The following RSRC2 variants were observed in gnomAD, a reference collection of about 807,000 sequenced individuals.
The protein encoded by RSRC2 is arginine and serine rich coiled-coil 2.
In RSRC2, 5 loss-of-function variants were observed where a neutral mutation model predicts 61.3. The observed-to-expected ratio is 0.08, with a 90% CI of 0.04 to 0.17. RSRC2 has a LOEUF of 0.17. Among genes scored for constraint, RSRC2 ranks in the 10% least tolerant of loss-of-function variants. RSRC2 has a pLI of 1.00. For synonymous variants in RSRC2, 202 were observed against 166.5 expected (o/e 1.21, Z -1.64); for missense variants, 381 against 518.8 (o/e 0.73, Z 2.58).
At chr12:122,508,731 C>T (rs1242878050) in intron 7 of RSRC2, among the ~76,000 whole-genome samples, 1 of 151,832 alleles carries the variant, frequency 6.6e-6, no homozygotes, top group African/African-American at 2.4e-5. Context: ...CTGAGGTGGG[C>T]GGATCACCTG....
At chr12:122,513,350 A>G (rs1170838851) in intron 6 of RSRC2, among the ~76,000 whole-genome samples, 3 of 151,756 alleles carry the variant, frequency 2.0e-5, no homozygotes, top group African/African-American at 7.3e-5. Context: ...AAACCAATAT[A>G]AAAGGTCTAT....
At chr12:122,520,613 T>A (rs747440563) in intron 3 of RSRC2, 1 of 1,322,352 alleles carries the variant, frequency 7.6e-7, no homozygotes, top group African/African-American at 1.5e-5. Flanking sequence ...AATGTTATCA[T>A]GTGAGCTAAA....
At position 122,505,217 on chromosome 12, in the gene RSRC2, C is replaced by T. The variant is rs1027572122; in HGVS notation, c.*310G>A. On this transcript the variant is annotated 3_prime_UTR_variant, in exon 10 of 10. Transcript: ENST00000331738. ...TTAAGTACAAAAGTACACAAGACAG[C>T]GGACACGAAAAAATCCATGTATGAG... is the stretch of plus-strand genomic sequence containing the variant. 5.8e-5 allele frequency: 14 copies of T among 241,572 alleles called. No homozygotes were observed. The highest frequency in any genetic ancestry group is 1.1e-4 in the South Asian group (1 of 8,782). 15.0% of individuals were successfully genotyped at this position (241,572 alleles called of 1,614,324 possible).
intron 1 of RSRC2, 144 bp from the exon 2 acceptor site, chr12:122,522,443 T>C (rs1959354888): frequency 2.6e-6 from 2 of 756,136 alleles, no homozygotes; most frequent in East Asian, 2.8e-5. Flanking sequence ...TAAATGTGCT[T>C]TGTACACTAA....
intron 3 of RSRC2, chr12:122,520,683 CG>C (rs2137535373): frequency 1.3e-6 from 1 of 754,054 alleles, no homozygotes; most frequent in South Asian, 1.4e-5. Context: ...GCTTCCATTA[CG>C]GGAAGAGGTG....
At chr12:122,519,805 C>T (rs983468973) in intron 3 of RSRC2, 4 of 152,354 alleles carry the variant, frequency 2.6e-5, no homozygotes, top group Non-Finnish European at 4.4e-5. Context: ...AGAGACTCAG[C>T]TCAAATTAAC....
chr12:122,520,842 T>G, intron 3 of RSRC2: 2 of 254,488 alleles, frequency 7.9e-6, no homozygotes, highest in South Asian at 7.8e-5. Flanking sequence ...GCAATACAGC[T>G]GCTGCCTTTC....
intron 6 of RSRC2, among the ~76,000 whole-genome samples, chr12:122,511,580 C>A (rs556364255): frequency 3.9e-5 from 6 of 152,032 alleles, no homozygotes; most frequent in Non-Finnish European, 7.4e-5. Context: ...AAAAGCCAGC[C>A]GATCAAGACA....
At chr12:122,521,264 T>C in intron 3 of RSRC2, 121 bp downstream of exon 3, 1 of 655,822 alleles carries the variant, frequency 1.5e-6, no homozygotes, top group African/African-American at 1.8e-5. Context: ...TATAACCCAA[T>C]AAACCTTTTA....
In RSRC2 at chr12:122,505,304, T is replaced by A. The variant is rs1252443051; in HGVS notation, c.*223A>T. ...AGTAGAATTCATGAACTAAAAAATATTATCCTTCTATAGTCCTGTCAAGTT... is the reference window on the plus strand; with the variant it reads ...AGTAGAATTCATGAACTAAAAAATAATATCCTTCTATAGTCCTGTCAAGTT... On this transcript the variant is annotated 3_prime_UTR_variant, in exon 10 of 10. Transcript: ENST00000331738. The A allele has an allele frequency of 5.1e-6, 2 of 393,982 alleles. No individual in the cohort carries two copies. The highest frequency in any genetic ancestry group is 9.0e-6 in the Non-Finnish European group (2 of 223,138). The allele number at this position is 393,982 out of a possible 1,614,324, so 24.4% of individuals were successfully genotyped here.
At position 122,518,733 on chromosome 12, in the gene RSRC2, A is replaced by G. The variant is rs182966375; in HGVS notation, c.398+106T>C. 2,072 of 898,096 alleles carry G rather than the reference A, an allele frequency of 2.3e-3. 5 individuals are homozygous for G. The highest frequency in any genetic ancestry group is 3.2e-3 in the Non-Finnish European group (1,827 of 571,284). 55.6% of individuals were successfully genotyped at this position (898,096 alleles called of 1,614,324 possible). A position where few individuals can be genotyped will look rare whatever the true frequency, so the allele number is the denominator to read the frequency against. ...ACAAAACCACAAACCCAAACAAACGAACAAGAAAAACTCCCTAATTATGAT... is the reference window on the plus strand; with the variant it reads ...ACAAAACCACAAACCCAAACAAACGGACAAGAAAAACTCCCTAATTATGAT... On this transcript the variant is annotated intron_variant, in intron 4 of 9. Coordinates refer to ENST00000331738, the MANE Select transcript of RSRC2 (RefSeq NM_023012.6).
chr12:122,506,855 A>G lies in RSRC2; in HGVS notation c.1104T>C (p.Phe368=). 1 of 1,607,742 alleles carries G rather than the reference A, an allele frequency of 6.2e-7. No homozygotes were observed. The change falls in exon 9 of 10, where the codon TTT becomes TTC. Residue 368 remains phenylalanine (F), a synonymous_variant. Coordinates refer to ENST00000331738, the MANE Select transcript of RSRC2 (RefSeq NM_023012.6). ...NFGNKDQNVK[F]RKLMGIKSED... ...TCACCTTAATACCCATCAATTTCCTAAATTTGACATTTTGGTCCTTGTTTC... is the reference window on the plus strand; with the variant it reads ...TCACCTTAATACCCATCAATTTCCTGAATTTGACATTTTGGTCCTTGTTTC...
chr12:122,525,276 TG>T (rs1354515650), intron 1 of RSRC2, among the ~76,000 whole-genome samples: 1 of 152,052 alleles, frequency 6.6e-6, no homozygotes, highest in Non-Finnish European at 1.5e-5. Flanking sequence ...CTCGGGAGTC[TG>T]AGGCAGGAGA....
intron 1 of RSRC2, chr12:122,526,254 C>T (rs1960362919): frequency 6.6e-6 from 1 of 152,532 alleles, no homozygotes. Context: ...GTTCCACAAC[C>T]TTTTAAGTTG....
intron 8 of RSRC2, among the ~76,000 whole-genome samples, chr12:122,507,718 ATTTT>A (rs63636761): frequency 1.4e-5 from 2 of 143,318 alleles, no homozygotes; most frequent in East Asian, 2.0e-4. Flanking sequence ...CAGTGGCGTG[ATTTT>A]TTTTTTTTTT....
intron 6 of RSRC2, among the ~76,000 whole-genome samples, 182 bp from the exon 7 acceptor site, chr12:122,511,370 T>C (rs1414859839): frequency 6.6e-6 from 1 of 152,022 alleles, no homozygotes; most frequent in East Asian, 1.9e-4. Flanking sequence ...ATAAGCTACA[T>C]TTGAAGAATA....
intron 7 of RSRC2, among the ~76,000 whole-genome samples, chr12:122,510,331 C>A (rs1372187971): frequency 6.6e-6 from 1 of 151,636 alleles, no homozygotes; most frequent in Non-Finnish European, 1.5e-5. Flanking sequence ...GAGATCGACA[C>A]CATCCTGGTT....
chr12:122,520,486 T>C lies in RSRC2; in HGVS notation c.207+899A>G, dbSNP rs185798485. 6 of 1,311,830 alleles carry C rather than the reference T, an allele frequency of 4.6e-6. No individual in the cohort carries two copies. The East Asian group carries it at 2.3e-4, about 50-fold the overall frequency. The allele number at this position is 1,311,830 out of a possible 1,614,324, so 81.3% of individuals were successfully genotyped here. ...GATATATTTAAGGGAAATAGGAGTTTGAATGACTAATAGTTACCTTATCAT... is the reference window on the plus strand; with the variant it reads ...GATATATTTAAGGGAAATAGGAGTTCGAATGACTAATAGTTACCTTATCAT... On this transcript the variant is annotated intron_variant, in intron 3 of 9. Transcript: ENST00000331738.
chr12:122,505,454 C>G lies in RSRC2; in HGVS notation c.*73G>C. 1 of 1,400,050 alleles carries G rather than the reference C, an allele frequency of 7.1e-7. No individual in the cohort carries two copies. Among genetic ancestry groups the G allele is most frequent in the Non-Finnish European group, 9.9e-7 (1 of 1,009,774 alleles). 86.7% of individuals were successfully genotyped at this position (1,400,050 alleles called of 1,614,324 possible). A position where few individuals can be genotyped will look rare whatever the true frequency, so the allele number is the denominator to read the frequency against. ...ACACCCATGCAAGCTAGAGTGCTAG[C>G]TGTTTGGTGAACAAGGACGTGACAT... is the stretch of plus-strand genomic sequence containing the variant. On this transcript the variant is annotated 3_prime_UTR_variant, in exon 10 of 10. Transcript: ENST00000331738.
Sources: allele counts gnomAD v4.1 joint callset (sites outside exome capture counted in the v4.1 genomes callset), GRCh38; gene constraint gnomAD v4.1.1; transcripts MANE v1.5; gene names NCBI Gene and HGNC (gene_info 2026-07-23, HGNC 2026-07-21).